Variants in APCDD1L observed in about 807,000 individuals in gnomAD.
The protein encoded by APCDD1L is APC down-regulated 1 like, also known as protein APCDD1-like.
APCDD1L carries 21 observed loss-of-function variants against 24.2 expected under a neutral mutation model. That is an observed-to-expected ratio of 0.87 (90% CI 0.61 to 1.25). The LOEUF is 1.25. Ranked by LOEUF, APCDD1L falls within the 50% of genes most tolerant of loss-of-function variation. The probability of loss-of-function intolerance (pLI) is 0.00; values close to 1 mark genes in which losing one functional copy is unlikely to be tolerated. For synonymous variants in APCDD1L, 321 were observed against 323.6 expected, an observed-to-expected ratio of 0.99 and a Z score of 0.09; for missense variants, 704 against 711.7, an observed-to-expected ratio of 0.99 and a Z score of 0.12.
intron 3 of APCDD1L, among the ~76,000 whole-genome samples, chr20:58,466,451 G>C (rs76861296): frequency 0.06 from 9,185 of 152,332 alleles, 430 homozygotes; most frequent in Non-Finnish European, 0.091. Flanking sequence ...TGGCTGTGCG[G>C]CTAGGTCAGT....
At chr20:58,512,451 A>T (rs1990645870) in intron 1 of APCDD1L, among the ~76,000 whole-genome samples, 2 of 152,128 alleles carry the variant, frequency 1.3e-5, no homozygotes, top group Admixed American at 1.3e-4. Context: ...CATCTGTAGG[A>T]AGAGGGCAGG....
intron 1 of APCDD1L, among the ~76,000 whole-genome samples, chr20:58,513,071 CA>C (rs1227966008): frequency 1.3e-5 from 2 of 152,230 alleles, no homozygotes; most frequent in African/African-American, 4.8e-5. Context: ...CCAAAGACAA[CA>C]GCCATGTGCT....
rs1989740928 is a variant in APCDD1L at position 58,467,598 on chromosome 20, C to T, written c.249G>A (p.Arg83=). 2.6e-6 allele frequency: 4 copies of T among 1,554,278 alleles called. No individual in the cohort carries two copies. Among genetic ancestry groups the T allele is most frequent in the Admixed American group, 1.9e-5 (1 of 53,794 alleles). The change falls in exon 3 of 4, where the codon CGG becomes CGA. Residue 83 remains arginine, a synonymous_variant. Transcript: ENST00000371149. The surrounding 1 kb of genome is among the most constrained non-coding windows in gnomAD (Gnocchi z 5.9). The stretch of plus-strand genomic sequence containing the variant: ...AGTAGAACTGGTGGGCTCGAAAGAG[C>T]CGGCTGGGGTAGAAGGTGTAGGCGC... ...LTRAYTFYPS[R]LFRAHQFYYE...
chr20:58,493,626 C>G (rs145632655), intron 1 of APCDD1L, among the ~76,000 whole-genome samples: 2 of 152,218 alleles, frequency 1.3e-5, no homozygotes, highest in East Asian at 3.9e-4. Flanking sequence ...GGAGCTATGA[C>G]TTTCATCAAC....
intron 1 of APCDD1L, among the ~76,000 whole-genome samples, chr20:58,491,389 TGA>T (rs1990222659): frequency 1.3e-5 from 2 of 152,162 alleles, no homozygotes; most frequent in South Asian, 4.1e-4. Context: ...TTAGAAATAA[TGA>T]GAGTGTTTAG....
Position 58,474,738 on chromosome 20 carries a change from C to A in APCDD1L, c.50-3991G>T, listed in dbSNP as rs578079961. On this transcript the variant is annotated intron_variant, in intron 1 of 3. Coordinates refer to ENST00000371149, the MANE Select transcript of APCDD1L (RefSeq NM_153360.3). ...CAAAACAAAACAAAACAAAAAATAA[C>A]AGGCACCGTTTTAACCATTTTAAAG... 9.2e-5 allele frequency among the ~76,000 whole-genome samples: 14 copies of A among 152,140 alleles called. No homozygotes were observed. The Middle Eastern group carries it at 0.017, about 185-fold the overall frequency.
intron 1 of APCDD1L, among the ~76,000 whole-genome samples, chr20:58,510,597 G>T (rs1429269711): frequency 6.6e-6 from 1 of 152,178 alleles, no homozygotes; most frequent in East Asian, 1.9e-4. Context: ...CTCCCAAAGT[G>T]CTGGGATTAA....
Position 58,494,521 on chromosome 20 carries a change from G to T in APCDD1L, c.49+20138C>A, listed in dbSNP as rs1990284216. ...CAGCTAATTTTTAATTTTTTTTTTG[G>T]TAGAGATGGGGTCTGGCTATGTTGC... On this transcript the variant is annotated intron_variant, in intron 1 of 3. Transcript: ENST00000371149. The surrounding 1 kb of genome is among the most constrained non-coding windows in gnomAD (Gnocchi z 4.8). Among the ~76,000 whole-genome samples the T allele has an allele frequency of 6.6e-6, 1 of 150,968 alleles. No homozygotes were observed. The highest frequency in any genetic ancestry group is 1.5e-5 in the Non-Finnish European group (1 of 67,728).
At chr20:58,481,589 A>G (rs114733751) in intron 1 of APCDD1L, among the ~76,000 whole-genome samples, 2 of 152,126 alleles carry the variant, frequency 1.3e-5, no homozygotes, top group Non-Finnish European at 2.9e-5. Context: ...GACCTGCCCA[A>G]AGATGTCGGG....
chr20:58,506,291 A>G (rs1429754978), intron 1 of APCDD1L, among the ~76,000 whole-genome samples: 1 of 151,940 alleles, frequency 6.6e-6, no homozygotes, highest in Non-Finnish European at 1.5e-5. Flanking sequence ...TCCAGACACC[A>G]TTTCTGTCTC....
chr20:58,510,037 T>C (rs1004201246), intron 1 of APCDD1L, among the ~76,000 whole-genome samples: 3 of 152,210 alleles, frequency 2.0e-5, no homozygotes, highest in African/African-American at 4.8e-5. Flanking sequence ...GGGAATTCTG[T>C]CTGTTCTGCC....
At chr20:58,477,093 G>A (rs562263135) in intron 1 of APCDD1L, among the ~76,000 whole-genome samples, 74 of 152,360 alleles carry the variant, frequency 4.9e-4, no homozygotes, top group South Asian at 1.2e-3. Context: ...TGCAAAAGTG[G>A]TAGAAAGAGT....
In APCDD1L at chr20:58,464,143, AT is replaced by A. The variant is rs1311405828; in HGVS notation, c.742-2590del. Among the ~76,000 whole-genome samples the A allele has an allele frequency of 3.3e-5, 5 of 152,266 alleles. No homozygotes were observed. The East Asian group carries it at 9.6e-4, about 29-fold the overall frequency. ...TGCCGGCTGATAAGAGTCGACTCTA[AT>A]TTTGGCATTTTAACCTACATTCTGA... On this transcript the variant is annotated intron_variant, in intron 3 of 3. Transcript: ENST00000371149.
At chr20:58,481,379 C>T (rs1053044269) in intron 1 of APCDD1L, among the ~76,000 whole-genome samples, 4 of 152,220 alleles carry the variant, frequency 2.6e-5, no homozygotes, top group Non-Finnish European at 5.9e-5. Flanking sequence ...GCGAAGACCC[C>T]TCAGAACCCA....
intron 1 of APCDD1L, among the ~76,000 whole-genome samples, chr20:58,493,904 C>A (rs146020346): frequency 6.6e-6 from 1 of 152,180 alleles, no homozygotes; most frequent in East Asian, 1.9e-4. Context: ...TTCAACTCCC[C>A]CAAAACCTAA....
At chr20:58,512,183 C>T (rs753505665) in intron 1 of APCDD1L, among the ~76,000 whole-genome samples, 9 of 152,228 alleles carry the variant, frequency 5.9e-5, no homozygotes, top group African/African-American at 1.4e-4. Context: ...GAAAAATCAA[C>T]GTCCAAATTA....
rs1402812134 is a variant in APCDD1L, at chr20:58,508,176, C to G, written c.49+6483G>C. Among the ~76,000 whole-genome samples, 1 of 152,172 alleles carries G rather than the reference C, an allele frequency of 6.6e-6. No individual in the cohort carries two copies. Among genetic ancestry groups the G allele is most frequent in the African/African-American group, 2.4e-5 (1 of 41,442 alleles). On this transcript the variant is annotated intron_variant, in intron 1 of 3. Transcript: ENST00000371149. The surrounding 1 kb of genome is among the most constrained non-coding windows in gnomAD (Gnocchi z 4.0). The stretch of plus-strand genomic sequence containing the variant: ...TGGCAGCAGGGAACAGAGTTCTAGG[C>G]AGAAGAAACAGCCTATGCATGCATA...
chr20:58,511,817 A>T (rs993925602), intron 1 of APCDD1L, among the ~76,000 whole-genome samples: 2 of 152,272 alleles, frequency 1.3e-5, no homozygotes, highest in Non-Finnish European at 2.9e-5. Context: ...ATAGCTTGTG[A>T]TTTTGACCTA....
chr20:58,472,346 T>C (rs1989828181), intron 1 of APCDD1L, among the ~76,000 whole-genome samples: 1 of 152,188 alleles, frequency 6.6e-6, no homozygotes. Flanking sequence ...CTTCCTCTCA[T>C]GGGCAGAGAA....
Sources: allele counts gnomAD v4.1 joint callset (sites outside exome capture counted in the v4.1 genomes callset), GRCh38; gene constraint gnomAD v4.1.1; non-coding constraint Gnocchi (gnomAD v3.1); transcripts MANE v1.5; gene names NCBI Gene and HGNC (gene_info 2026-07-23, HGNC 2026-07-21).